Variants in DAAM2 observed in about 807,000 individuals in gnomAD.
DAAM2 encodes dishevelled associated activator of morphogenesis 2.
In DAAM2, 39 loss-of-function variants were observed where a neutral mutation model predicts 120.7. The observed-to-expected ratio is 0.32, with a 90% CI of 0.25 to 0.42. DAAM2 has a LOEUF of 0.42. Ranked by LOEUF, DAAM2 falls within the 10% of genes least tolerant of loss-of-function variation. The pLI, the probability that DAAM2 is intolerant of heterozygous loss-of-function variation, is 1.00. For synonymous variants in DAAM2, 488 were observed against 524.9 expected (o/e 0.93, Z 0.96); for missense variants, 1,283 against 1,401.7 (o/e 0.92, Z 1.35).
Position 39,901,176 on chromosome 6 carries a change from C to G in DAAM2, c.2812-126C>G. The G allele has an allele frequency of 1.3e-6, 1 of 791,322 alleles. No individual in the cohort carries two copies. 49.0% of individuals were successfully genotyped at this position (791,322 alleles called of 1,614,324 possible). The stretch of plus-strand genomic sequence containing the variant: ...TGTCTTCTCACCTCTTCCAGCCCTG[C>G]CCCCTGTGCCAACAGTCCCCAGCCT... On this transcript the variant is annotated intron_variant, in intron 23 of 24. Coordinates refer to ENST00000274867, the MANE Select transcript of DAAM2 (RefSeq NM_001201427.2). The surrounding 1 kb of genome is among the most constrained non-coding windows in gnomAD (Gnocchi z 4.5).
chr6:39,838,350 A>G (rs993304522), intron 1 of DAAM2, among the ~76,000 whole-genome samples: 2 of 152,220 alleles, frequency 1.3e-5, no homozygotes, highest in African/African-American at 4.8e-5. Flanking sequence ...TTATTATTGA[A>G]GATGGCACCA....
In DAAM2 at chr6:39,902,353, T is replaced by C; in HGVS notation, c.*316T>C. 3.9e-6 allele frequency: 1 copy of C among 253,960 alleles called. No individual in the cohort carries two copies. The highest frequency in any genetic ancestry group is 1.2e-4 in the South Asian group (1 of 8,412). The allele number at this position is 253,960 out of a possible 1,614,324, so 15.7% of individuals were successfully genotyped here. A position where few individuals can be genotyped will look rare whatever the true frequency, so the allele number is the denominator to read the frequency against. ...CCCCATCCCCTACCATGGGCACCCA[T>C]GTGCTGGCACAGAACAGTTCCAGAT... On this transcript the variant is annotated 3_prime_UTR_variant, in exon 25 of 25. Coordinates refer to ENST00000274867, the MANE Select transcript of DAAM2 (RefSeq NM_001201427.2).
intron 14 of DAAM2, chr6:39,881,811 T>C (rs912941436): frequency 2.6e-5 from 4 of 151,994 alleles, no homozygotes; most frequent in African/African-American, 9.7e-5. Context: ...CTTCATATAA[T>C]AAATAGATTA....
rs1766717076 is a variant in DAAM2, at chr6:39,904,690, C to CTA, written c.*2655_*2656dup. 1 of 440,782 alleles carries CTA rather than the reference C, an allele frequency of 2.3e-6. No homozygotes were observed. The highest frequency in any genetic ancestry group is 2.5e-5 in the African/African-American group (1 of 39,966). The allele number at this position is 440,782 out of a possible 1,614,324, so 27.3% of individuals were successfully genotyped here. A position where few individuals can be genotyped will look rare whatever the true frequency, so the allele number is the denominator to read the frequency against. On this transcript the variant is annotated 3_prime_UTR_variant, in exon 25 of 25. Coordinates refer to ENST00000274867, the MANE Select transcript of DAAM2 (RefSeq NM_001201427.2). The stretch of plus-strand genomic sequence containing the variant: ...ATTTCCACCAACTGGGGAACTGTGA[C>CTA]TATCTATCTCCCCCGACTTCTACCA...
At chr6:39,798,755 C>T (rs1761773614) in intron 1 of DAAM2, among the ~76,000 whole-genome samples, 1 of 152,184 alleles carries the variant, frequency 6.6e-6, no homozygotes, top group African/African-American at 2.4e-5. Flanking sequence ...TCCTGATCTA[C>T]TCATCCTCCA....
intron 6 of DAAM2, 179 bp from the exon 7 acceptor site, chr6:39,868,644 G>A (rs1172330931): frequency 1.7e-6 from 1 of 590,830 alleles, no homozygotes; most frequent in Admixed American, 3.0e-5. Context: ...AGAGGCAAGG[G>A]AATTTTCCAG....
intron 1 of DAAM2, among the ~76,000 whole-genome samples, chr6:39,793,914 G>T (rs1761623295): frequency 6.6e-6 from 1 of 152,154 alleles, no homozygotes; most frequent in Non-Finnish European, 1.5e-5. Flanking sequence ...GTCTGGGTGG[G>T]AGGAAGATTA....
At chr6:39,846,502 T>C (rs1199111387) in intron 1 of DAAM2, among the ~76,000 whole-genome samples, 2 of 152,206 alleles carry the variant, frequency 1.3e-5, no homozygotes, top group African/African-American at 4.8e-5. Flanking sequence ...TCAATAACCC[T>C]ATGTTGGACT....
Position 39,901,326 on chromosome 6 carries a change from G to A in DAAM2, c.2836G>A (p.Gly946Arg), listed in dbSNP as rs555209855. 2.1e-5 allele frequency: 34 copies of A among 1,613,872 alleles called. 1 individual carries two copies. The Admixed American group carries it at 4.0e-4, about 19-fold the overall frequency. The stretch of plus-strand genomic sequence containing the variant: ...GTTCGCCAAGGCCTTGATGCACTTC[G>A]GGGAGCATGACAGCAAGATGCAGCC... ...DKFAKALMHFGEHDSKMQPDE... is the reference protein window; with the variant it reads ...DKFAKALMHFREHDSKMQPDE... The change falls in exon 24 of 25, where the codon GGG becomes AGG. Residue 946 changes from glycine (G) to arginine (R), a missense_variant. Coordinates refer to ENST00000274867, the MANE Select transcript of DAAM2 (RefSeq NM_001201427.2). This position sits in a 1 kb window ranked among gnomAD's most constrained non-coding sequence, Gnocchi z 4.5.
chr6:39,810,916 A>C (rs1361017968), intron 1 of DAAM2, among the ~76,000 whole-genome samples: 2 of 152,040 alleles, frequency 1.3e-5, no homozygotes, highest in African/African-American at 4.8e-5. Context: ...ATTACACCCT[A>C]AGGGAAGGGA....
rs1766494195 is a variant in DAAM2 at position 39,901,677 on chromosome 6, G to A, written c.2983-136G>A. On this transcript the variant is annotated intron_variant, in intron 24 of 24. Transcript: ENST00000274867. This position sits in a 1 kb window ranked among gnomAD's most constrained non-coding sequence, Gnocchi z 4.5. ...GAAGCTGGGGGCCTGTATGTCCTAG[G>A]CAGGAAGAAAGTGGGGCCAACAGAT... 36 of 1,001,288 alleles carry A rather than the reference G, an allele frequency of 3.6e-5. No homozygotes were observed. Among genetic ancestry groups the A allele is most frequent in the Non-Finnish European group, 4.8e-5 (34 of 703,292 alleles). The allele number at this position is 1,001,288 out of a possible 1,614,324, so 62.0% of individuals were successfully genotyped here. A position where few individuals can be genotyped will look rare whatever the true frequency, so the allele number is the denominator to read the frequency against.
chr6:39,900,012 G>A, intron 22 of DAAM2, 65 bp from the exon 23 acceptor site: 3 of 1,531,394 alleles, frequency 2.0e-6, no homozygotes, highest in Non-Finnish European at 2.7e-6. Flanking sequence ...GGGAGATGTG[G>A]TGACCCCTGC....
chr6:39,850,122 C>T (rs536073603), intron 1 of DAAM2, among the ~76,000 whole-genome samples: 3 of 152,330 alleles, frequency 2.0e-5, no homozygotes, highest in Non-Finnish European at 4.4e-5. Flanking sequence ...AACCAGGGTA[C>T]TCGCATACCC....
rs775740210 is a variant in DAAM2, at chr6:39,879,140, G to C, written c.1546-38G>C. 7.9e-6 allele frequency: 11 copies of C among 1,399,502 alleles called. No individual in the cohort carries two copies. In the South Asian group the frequency reaches 1.5e-4, roughly 19 times the overall value. 86.7% of individuals were successfully genotyped at this position (1,399,502 alleles called of 1,614,324 possible). A position where few individuals can be genotyped will look rare whatever the true frequency, so the allele number is the denominator to read the frequency against. ...GGGAGACCTGAATGGCAACGGTGCT[G>C]ATGGCTTTGTCCTTGCAATTTTTCT... is the stretch of plus-strand genomic sequence containing the variant. On this transcript the variant is annotated intron_variant, in intron 13 of 24. Transcript: ENST00000274867.
intron 14 of DAAM2, among the ~76,000 whole-genome samples, chr6:39,880,855 A>G (rs917337580): frequency 1.3e-5 from 2 of 152,224 alleles, no homozygotes; most frequent in Non-Finnish European, 2.9e-5. Context: ...TGACAGGTGC[A>G]CTGCACAGTT....
In DAAM2 at chr6:39,838,061, G is replaced by T. The variant is rs186539746; in HGVS notation, c.-56-18186G>T. Among the ~76,000 whole-genome samples the T allele has an allele frequency of 1.8e-3, 280 of 152,284 alleles. 3 individuals carry two copies. The highest frequency in any genetic ancestry group is 3.4e-3 in the Non-Finnish European group (233 of 68,024). ...CAGTCCACACGGATGCTTCTGGTAG[G>T]GATTTGCAGAAGATCTGCAGGTGAG... On this transcript the variant is annotated intron_variant, in intron 1 of 24. Coordinates refer to ENST00000274867, the MANE Select transcript of DAAM2 (RefSeq NM_001201427.2).
chr6:39,891,972 G>A (rs58322251), intron 19 of DAAM2, among the ~76,000 whole-genome samples: 2,499 of 152,288 alleles, frequency 0.016, 70 homozygotes, highest in African/African-American at 0.057. Flanking sequence ...AAGGTGGGGC[G>A]TCTGTTGACA....
chr6:39,836,366 A>T (rs1403752043), intron 1 of DAAM2, among the ~76,000 whole-genome samples: 1 of 152,182 alleles, frequency 6.6e-6, no homozygotes, highest in East Asian at 1.9e-4. Flanking sequence ...TGACATCTAC[A>T]GTTTATCCAC....
intron 1 of DAAM2, among the ~76,000 whole-genome samples, chr6:39,834,371 G>A (rs956861451): frequency 6.6e-6 from 1 of 152,114 alleles, no homozygotes; most frequent in Non-Finnish European, 1.5e-5. Flanking sequence ...TGACTGCACT[G>A]GAGAAAAAGT....
Sources: gnomAD v4.1 joint callset for allele counts (sites outside exome capture counted in the v4.1 genomes callset) on GRCh38, gnomAD v4.1.1 for gene constraint, Gnocchi (gnomAD v3.1) non-coding constraint, MANE v1.5 for transcripts, NCBI Gene and HGNC (gene_info 2026-07-23, HGNC 2026-07-21) for gene names.